MYO16: variants seen among roughly 807,000 people sequenced by gnomAD.
MYO16 encodes the protein unconventional myosin-XVI.
A neutral mutation model predicts 205.3 loss-of-function variants in MYO16; 94 were observed. That is an observed-to-expected ratio of 0.46 (90% CI 0.39 to 0.54). MYO16 has a LOEUF of 0.54. MYO16 is among the 20% of genes least tolerant of loss of function. The pLI is 0.00. For missense variants in MYO16, 2,315 were observed against 2,387.5 expected, an observed-to-expected ratio of 0.97 and a Z score of 0.63; for synonymous variants, 988 against 954.0, an observed-to-expected ratio of 1.04 and a Z score of -0.66.
At chr13:108,496,323 G>A in the MYO16 span, among the ~76,000 whole-genome samples, 1 of 152,226 alleles carries the variant, frequency 6.6e-6, no homozygotes, top group Non-Finnish European at 1.5e-5. Flanking sequence ...AAGCGGCGTG[G>A]TCACCTACAC....
chr13:109,061,224 C>T (rs1284264720), intron 27 of MYO16, among the ~76,000 whole-genome samples: 1 of 152,178 alleles, frequency 6.6e-6, no homozygotes, highest in Non-Finnish European at 1.5e-5. Context: ...CAGACCTTCT[C>T]CATATCGGCA....
At chr13:109,003,807 A>T (rs527416245) in intron 21 of MYO16, among the ~76,000 whole-genome samples, 1 of 152,242 alleles carries the variant, frequency 6.6e-6, no homozygotes, top group Non-Finnish European at 1.5e-5. Flanking sequence ...TCTGTAAGGC[A>T]GTCAAGGCCA....
the MYO16 span, among the ~76,000 whole-genome samples, chr13:108,561,605 A>G: frequency 6.6e-6 from 1 of 152,246 alleles, no homozygotes; most frequent in Non-Finnish European, 1.5e-5. Context: ...GTGGTTTTAC[A>G]TTAATGTTTA....
chr13:108,804,585 G>A (rs1392619519), intron 6 of MYO16, among the ~76,000 whole-genome samples: 1 of 152,118 alleles, frequency 6.6e-6, no homozygotes, highest in African/African-American at 2.4e-5. Context: ...TCCCACAGAG[G>A]CTAGCTGTTT....
intron 1 of MYO16, among the ~76,000 whole-genome samples, chr13:108,648,821 A>G (rs1332768239): frequency 6.6e-6 from 1 of 152,096 alleles, no homozygotes; most frequent in Non-Finnish European, 1.5e-5. Flanking sequence ...TGGCCCTTAT[A>G]CTCAGAAAAT....
chr13:109,100,882 T>C lies in MYO16; in HGVS notation c.3433T>C (p.Trp1145Arg). The C allele has an allele frequency of 6.2e-7, 1 of 1,611,994 alleles. No individual in the cohort carries two copies. Among genetic ancestry groups the C allele is most frequent in the Non-Finnish European group, 8.5e-7 (1 of 1,178,216 alleles). Residue 1145 changes from tryptophan to arginine, a missense_variant, in exon 28 of 35, where the codon TGG becomes CGG. Trp to Arg is a moderately radical substitution (Grantham distance 101). Around this residue, in one of 3 missense-constraint regions of MYO16, gnomAD observed 1,097 missense variants for 1,092.0 expected, o/e 1.00. Transcript: ENST00000457511. ...LVLQQCKLQGWQMGVRKVFLK... is the reference protein window; with the variant it reads ...LVLQQCKLQGRQMGVRKVFLK... ...TCTCCAGCAGTGTAAATTACAAGGC[T>C]GGCAGGTTGGTGACCTACAAGCTAT...
At chr13:108,885,053 G>A (rs1404565515) in intron 13 of MYO16, among the ~76,000 whole-genome samples, 3 of 152,068 alleles carry the variant, frequency 2.0e-5, no homozygotes, top group African/African-American at 7.2e-5. Context: ...GATGAGAAAG[G>A]CACTGAGGTG....
chr13:108,884,330 T>C (rs111439588), intron 13 of MYO16, among the ~76,000 whole-genome samples: 5 of 152,258 alleles, frequency 3.3e-5, no homozygotes, highest in African/African-American at 1.2e-4. Context: ...CAAAGCAGCA[T>C]GCTAGCGGTT....
Position 108,716,446 on chromosome 13 carries a change from C to T in MYO16, c.363+3715C>T, listed in dbSNP as rs150376951. ...CAAAGTGGAGGATGAATCTGGAGGA[C>T]GGATAAGGAAACCTCGTGGCAGCTG... is the stretch of plus-strand genomic sequence containing the variant. On this transcript the variant is annotated intron_variant, in intron 3 of 34. Coordinates refer to ENST00000457511, the MANE Select transcript of MYO16 (RefSeq NM_001198950.3). Among the ~76,000 whole-genome samples, 96 of 152,212 alleles carry T rather than the reference C, an allele frequency of 6.3e-4. No individual in the cohort carries two copies. In the East Asian group the frequency reaches 0.017, roughly 27 times the overall value.
the MYO16 span, among the ~76,000 whole-genome samples, chr13:108,558,627 G>A: frequency 6.6e-6 from 1 of 152,176 alleles, no homozygotes; most frequent in South Asian, 2.1e-4. Context: ...TCCCACGAAT[G>A]GATTATAAAC....
the MYO16 span, among the ~76,000 whole-genome samples, chr13:108,526,870 C>A: frequency 6.6e-6 from 1 of 152,140 alleles, no homozygotes; most frequent in Non-Finnish European, 1.5e-5. Context: ...TATGCAGAAG[C>A]AGAGTACTGT....
At chr13:108,647,010 A>C (rs749296572) in intron 1 of MYO16, among the ~76,000 whole-genome samples, 15 of 152,110 alleles carry the variant, frequency 9.9e-5, no homozygotes, top group Non-Finnish European at 2.2e-4. Context: ...TAATTGATAC[A>C]TTTGTATCAC....
intron 33 of MYO16, among the ~76,000 whole-genome samples, chr13:109,177,620 C>T (rs905576899): frequency 2.6e-5 from 4 of 152,118 alleles, no homozygotes; most frequent in African/African-American, 9.7e-5. Flanking sequence ...CAGGTTCAAG[C>T]GATTCTCCTG....
the MYO16 span, among the ~76,000 whole-genome samples, chr13:108,504,694 C>G: frequency 6.6e-6 from 1 of 152,098 alleles, no homozygotes; most frequent in African/African-American, 2.4e-5. Context: ...CACCACCATG[C>G]CCAGCTAATT....
intron 1 of MYO16, among the ~76,000 whole-genome samples, chr13:108,648,448 A>G (rs1227518453): frequency 6.6e-6 from 1 of 152,132 alleles, no homozygotes; most frequent in Non-Finnish European, 1.5e-5. Flanking sequence ...CATTCAATGA[A>G]TTCCTTGTTT....
chr13:108,971,442 C>G (rs1190449045), intron 20 of MYO16, among the ~76,000 whole-genome samples: 1 of 148,688 alleles, frequency 6.7e-6, no homozygotes, highest in African/African-American at 2.5e-5. Context: ...AGTCATCTCT[C>G]TATCTATCTA....
intron 21 of MYO16, among the ~76,000 whole-genome samples, chr13:109,005,246 T>G (rs1228675674): frequency 6.6e-6 from 1 of 152,184 alleles, no homozygotes; most frequent in African/African-American, 2.4e-5. Flanking sequence ...TAATTTTTAA[T>G]TTAGATTTCA....
At chr13:109,105,159 T>C (rs1889084112) in intron 28 of MYO16, among the ~76,000 whole-genome samples, 1 of 152,204 alleles carries the variant, frequency 6.6e-6, no homozygotes, top group African/African-American at 2.4e-5. Context: ...ACACTTGATG[T>C]GGATGCAAAG....
At chr13:108,505,996 C>G in the MYO16 span, among the ~76,000 whole-genome samples, 1 of 152,106 alleles carries the variant, frequency 6.6e-6, no homozygotes, top group African/African-American at 2.4e-5. Flanking sequence ...ATTCTGGGCT[C>G]TCTATTCTCT....
Sources: gnomAD v4.1 joint callset for allele counts (sites outside exome capture counted in the v4.1 genomes callset) on GRCh38, gnomAD v4.1.1 for gene constraint, gnomAD v4.1.1 regional missense constraint, MANE v1.5 for transcripts, NCBI Gene and HGNC (gene_info 2026-07-23, HGNC 2026-07-21) for gene names.